Variants in NUBPL observed in about 807,000 individuals in gnomAD.
NUBPL encodes NUBP iron-sulfur cluster assembly factor, mitochondrial, also known as iron-sulfur cluster transfer protein NUBPL.
A neutral mutation model predicts 45.7 loss-of-function variants in NUBPL; 31 were observed. The ratio of observed to expected loss-of-function variants is 0.68; its 90% confidence interval spans 0.51 to 0.92. The LOEUF is 0.92. Among genes scored for constraint, NUBPL ranks in the 40% least tolerant of loss-of-function variants. The pLI is 0.00. For synonymous variants in NUBPL, 144 were observed against 140.9 expected, an observed-to-expected ratio of 1.02 and a Z score of -0.15; for missense variants, 401 against 398.7, an observed-to-expected ratio of 1.01 and a Z score of -0.05.
At chr14:31,638,264 G>A (rs2035567716) in intron 4 of NUBPL, among the ~76,000 whole-genome samples, 2 of 151,952 alleles carry the variant, frequency 1.3e-5, no homozygotes, top group Admixed American at 6.6e-5. Flanking sequence ...TCCTTCAGGA[G>A]CTCTTTTAGG....
chr14:31,621,582 C>T (rs2035063178), intron 4 of NUBPL, among the ~76,000 whole-genome samples: 2 of 152,166 alleles, frequency 1.3e-5, no homozygotes, highest in African/African-American at 4.8e-5. Flanking sequence ...TGAGGTGATG[C>T]CCCACCCTGC....
chr14:31,760,939 C>G (rs1284118843), intron 6 of NUBPL, among the ~76,000 whole-genome samples: 1 of 151,704 alleles, frequency 6.6e-6, no homozygotes, highest in Admixed American at 6.6e-5. Context: ...TCAAGTCGTC[C>G]TCCCACCGCA....
intron 7 of NUBPL, among the ~76,000 whole-genome samples, chr14:31,813,162 T>C (rs1296271978): frequency 6.6e-6 from 1 of 151,970 alleles, no homozygotes; most frequent in Non-Finnish European, 1.5e-5. Flanking sequence ...AATTTTTTTG[T>C]ATTTTTAGCA....
Position 31,675,136 on chromosome 14 carries a change from CA to C in NUBPL, c.513+1577del, listed in dbSNP as rs373044954. Among the ~76,000 whole-genome samples the C allele has an allele frequency of 9.5e-3, 1,059 of 111,770 alleles. 9 individuals carry two copies. The highest frequency in any genetic ancestry group is 0.022 in the African/African-American group (797 of 36,352). The allele number at this position is 111,770 out of a possible 152,430, so 73.3% of individuals were successfully genotyped here. ...TGGGTGACAGAGTAAGACTCCGTCTCAAAAAAAAAAAAAAAGTTACAGTTTA... is the reference window on the plus strand; with the variant it reads ...TGGGTGACAGAGTAAGACTCCGTCTCAAAAAAAAAAAAAAGTTACAGTTTA... On this transcript the variant is annotated intron_variant, in intron 6 of 10. Transcript: ENST00000281081.
intron 7 of NUBPL, among the ~76,000 whole-genome samples, chr14:31,820,790 A>T (rs1595677583): frequency 7.0e-6 from 1 of 141,900 alleles, no homozygotes; most frequent in Non-Finnish European, 1.5e-5. Flanking sequence ...TGCCATTGGC[A>T]CTCCAGCCTG....
intron 4 of NUBPL, among the ~76,000 whole-genome samples, chr14:31,640,906 C>G (rs1485792346): frequency 6.6e-6 from 1 of 151,930 alleles, no homozygotes; most frequent in African/African-American, 2.4e-5. Context: ...ACTGTAGTCA[C>G]CCTACTGATC....
At position 31,685,548 on chromosome 14, in the gene NUBPL, G is replaced by A. The variant is rs188347892; in HGVS notation, c.513+11974G>A. Among the ~76,000 whole-genome samples the A allele has an allele frequency of 3.8e-3, 581 of 152,128 alleles. 2 individuals are homozygous for A. Among genetic ancestry groups the A allele is most frequent in the African/African-American group, 0.013 (559 of 41,474 alleles). On this transcript the variant is annotated intron_variant, in intron 6 of 10. Transcript: ENST00000281081. ...AGAGGACAGCCATACCTTTTACAAG[G>A]TGAAAGGATTCAGTGAAGAGGCAGT...
At chr14:31,818,650 G>A (rs963301613) in intron 7 of NUBPL, among the ~76,000 whole-genome samples, 5 of 152,146 alleles carry the variant, frequency 3.3e-5, no homozygotes, top group South Asian at 2.1e-4. Context: ...CTGGGTTCAC[G>A]CCATTCTCCT....
At chr14:31,654,676 T>G (rs2036100034) in intron 4 of NUBPL, among the ~76,000 whole-genome samples, 1 of 152,206 alleles carries the variant, frequency 6.6e-6, no homozygotes, top group East Asian at 1.9e-4. Flanking sequence ...CCCAAAGTGC[T>G]GGGATTACAG....
At chr14:31,751,101 C>T (rs903787025) in intron 6 of NUBPL, among the ~76,000 whole-genome samples, 4 of 152,126 alleles carry the variant, frequency 2.6e-5, no homozygotes, top group Non-Finnish European at 1.5e-5. Context: ...CACCTCCCAC[C>T]AGGTCCCTCC....
chr14:31,727,174 T>C (rs1339071110), intron 6 of NUBPL, among the ~76,000 whole-genome samples: 1 of 152,232 alleles, frequency 6.6e-6, no homozygotes, highest in Non-Finnish European at 1.5e-5. Flanking sequence ...TAAGATGAAC[T>C]GTGCACTAGT....
intron 6 of NUBPL, among the ~76,000 whole-genome samples, chr14:31,748,787 AT>A (rs1421515900): frequency 6.6e-6 from 1 of 151,704 alleles, no homozygotes; most frequent in Non-Finnish European, 1.5e-5. Context: ...TAATTTTTGT[AT>A]TTTTAGTAGA....
At chr14:31,823,294 T>A (rs943256506) in intron 7 of NUBPL, among the ~76,000 whole-genome samples, 47 of 152,246 alleles carry the variant, frequency 3.1e-4, no homozygotes, top group African/African-American at 1.1e-3. Flanking sequence ...TGTCATTACT[T>A]TTGTTTGATA....
intron 7 of NUBPL, among the ~76,000 whole-genome samples, chr14:31,790,955 G>A (rs1292948993): frequency 6.6e-6 from 1 of 151,944 alleles, no homozygotes; most frequent in Non-Finnish European, 1.5e-5. Context: ...GGAAGACCAA[G>A]CAAGAAAATA....
At chr14:31,685,547 G>A (rs2036933617) in intron 6 of NUBPL, among the ~76,000 whole-genome samples, 1 of 151,926 alleles carries the variant, frequency 6.6e-6, no homozygotes, top group African/African-American at 2.4e-5. Context: ...CCTTTTACAA[G>A]GTGAAAGGAT....
intron 3 of NUBPL, among the ~76,000 whole-genome samples, chr14:31,597,621 A>G (rs1425798765): frequency 6.6e-6 from 1 of 152,190 alleles, no homozygotes; most frequent in Non-Finnish European, 1.5e-5. Context: ...TAGAAGATCA[A>G]TTTGAAACTT....
rs915913890 is a variant in NUBPL, at chr14:31,784,745, A to G, written c.514-3035A>G. ...ATTATGTTCATCATTTCATCAGTCT[A>G]TTAAAGTATGTCATTATGTCAATAT... On this transcript the variant is annotated intron_variant, in intron 6 of 10. Transcript: ENST00000281081. Among the ~76,000 whole-genome samples the G allele has an allele frequency of 2.6e-5, 4 of 152,306 alleles. No individual in the cohort carries two copies. In the East Asian group the frequency reaches 5.8e-4, roughly 22 times the overall value.
In NUBPL at chr14:31,631,882, C is replaced by T. The variant is rs527752027; in HGVS notation, c.382+32503C>T. 7.2e-5 allele frequency among the ~76,000 whole-genome samples: 11 copies of T among 152,208 alleles called. No homozygotes were observed. In the East Asian group the frequency reaches 1.2e-3, roughly 16 times the overall value. On this transcript the variant is annotated intron_variant, in intron 4 of 10. Transcript: ENST00000281081. ...TGTTAATCTCATCCAGAAACATCCT[C>T]ACAGACACACCCAGAATAATATTTA...
intron 4 of NUBPL, among the ~76,000 whole-genome samples, chr14:31,662,384 C>A (rs1033093333): frequency 6.6e-6 from 1 of 151,828 alleles, no homozygotes; most frequent in African/African-American, 2.4e-5. Flanking sequence ...AGTGCCATGG[C>A]GGTTTGCTGC....
Sources: gnomAD v4.1 joint callset for allele counts (sites outside exome capture counted in the v4.1 genomes callset) on GRCh38, gnomAD v4.1.1 for gene constraint, MANE v1.5 for transcripts, NCBI Gene and HGNC (gene_info 2026-07-23, HGNC 2026-07-21) for gene names.